The following NFATC1 variants were observed in gnomAD, a reference collection of about 807,000 sequenced individuals.
NFATC1 encodes nuclear factor of activated T-cells, cytoplasmic 1.
Under a neutral mutation model 76.0 loss-of-function variants are expected in NFATC1, and 22 were observed. The observed-to-expected ratio is 0.29, with a 90% confidence interval of 0.21 to 0.41. NFATC1 has a LOEUF of 0.41. Ranked by LOEUF, NFATC1 falls within the 10% of genes least tolerant of loss-of-function variation. The pLI, the probability that NFATC1 is intolerant of heterozygous loss-of-function variation, is 1.00. For synonymous variants in NFATC1, 704 were observed against 613.1 expected, an observed-to-expected ratio of 1.15 and a Z score of -2.19; for missense variants, 1,357 against 1,337.7, an observed-to-expected ratio of 1.01 and a Z score of -0.23.
chr18:79,508,787 C>T (rs544278350), intron 9 of NFATC1, among the ~76,000 whole-genome samples: 1 of 151,962 alleles, frequency 6.6e-6, no homozygotes, highest in Admixed American at 6.6e-5. Flanking sequence ...CTGTCCCTCT[C>T]TCCATCTCTC....
At chr18:79,435,748 T>C (rs1280117418) in intron 3 of NFATC1, among the ~76,000 whole-genome samples, 2 of 152,202 alleles carry the variant, frequency 1.3e-5, no homozygotes, top group Non-Finnish European at 2.9e-5. Context: ...ATTAAAAATA[T>C]CTTTAAAATG....
intron 6 of NFATC1, among the ~76,000 whole-genome samples, chr18:79,460,342 C>T (rs976573190): frequency 6.6e-5 from 10 of 152,232 alleles, no homozygotes; most frequent in Admixed American, 6.5e-4. Flanking sequence ...TGGGAACAGA[C>T]TTTATTTTGG....
chr18:79,518,117 A>G (rs2090428594), intron 9 of NFATC1, among the ~76,000 whole-genome samples: 1 of 152,256 alleles, frequency 6.6e-6, no homozygotes, highest in South Asian at 2.1e-4. Flanking sequence ...CAGCTGGCAC[A>G]GTCACCACCA....
intron 2 of NFATC1, among the ~76,000 whole-genome samples, chr18:79,414,494 C>T (rs1190294146): frequency 6.6e-6 from 1 of 152,190 alleles, no homozygotes; most frequent in Non-Finnish European, 1.5e-5. Flanking sequence ...CAGTGCTATG[C>T]AGAGCCTCTG....
At chr18:79,459,253 C>T (rs542436017) in intron 6 of NFATC1, among the ~76,000 whole-genome samples, 1 of 152,370 alleles carries the variant, frequency 6.6e-6, no homozygotes, top group Non-Finnish European at 1.5e-5. Context: ...AGACGTGGCT[C>T]CCCTTGGGGC....
In NFATC1 at chr18:79,410,924, C is replaced by T; in HGVS notation, c.649C>T (p.Pro217Ser). 4 of 1,605,752 alleles carry T rather than the reference C, an allele frequency of 2.5e-6. No individual in the cohort carries two copies. The highest frequency in any genetic ancestry group is 3.4e-6 in the Non-Finnish European group (4 of 1,177,236). The stretch of plus-strand genomic sequence containing the variant: ...CTGCGTGTCTCCCAAGACCACGGAC[C>T]CCGAGGAGGGCTTTCCCCGCGGGCT... Reference protein sequence around the residue: ...SPCVSPKTTDPEEGFPRGLGA... With the variant: ...SPCVSPKTTDSEEGFPRGLGA... Residue 217 changes from proline (P) to serine (S), a missense_variant, in exon 2 of 10, where the codon CCC becomes TCC. This residue lies in a region of NFATC1 where 691 missense variants were observed against 613.1 expected (regional missense o/e 1.13). Coordinates refer to ENST00000427363, the MANE Select transcript of NFATC1 (RefSeq NM_001278669.2). The surrounding 1 kb of genome is among the most constrained non-coding windows in gnomAD (Gnocchi z 6.7).
intron 7 of NFATC1, among the ~76,000 whole-genome samples, chr18:79,464,130 C>A (rs1315649078): frequency 2.0e-5 from 3 of 152,230 alleles, no homozygotes; most frequent in Non-Finnish European, 4.4e-5. Flanking sequence ...CGCTCTGTCA[C>A]CCAGATTGGA....
At chr18:79,514,430 C>T (rs2090329817) in intron 9 of NFATC1, among the ~76,000 whole-genome samples, 1 of 151,414 alleles carries the variant, frequency 6.6e-6, no homozygotes, top group African/African-American at 2.4e-5. Context: ...CAAAAATTAG[C>T]CAGGTGTGTT....
chr18:79,420,053 C>G (rs1301378783), intron 2 of NFATC1, among the ~76,000 whole-genome samples: 1 of 152,240 alleles, frequency 6.6e-6, no homozygotes, highest in Admixed American at 6.5e-5. Flanking sequence ...AAAGGCCACA[C>G]CGGACGCCGT....
chr18:79,432,413 C>CCCACACGGA (rs2086631659), intron 2 of NFATC1, among the ~76,000 whole-genome samples: 5 of 52,480 alleles, frequency 9.5e-5, no homozygotes, highest in African/African-American at 2.3e-4. Context: ...GGCCACATAG[C>CCCACACGGA]GGTGAGGACA....
In NFATC1 at chr18:79,504,164, A is replaced by G. The variant is rs546026753; in HGVS notation, c.2782+17227A>G. Among the ~76,000 whole-genome samples the G allele has an allele frequency of 2.7e-5, 4 of 150,862 alleles. No homozygotes were observed. In the East Asian group the frequency reaches 5.8e-4, roughly 22 times the overall value. Reference sequence around the variant, plus strand: ...CAGCGGTTTTCACTTCTGTCTGTCTAGAGTTTTCCGCTGCATTCACAGTTG... The same window carrying G: ...CAGCGGTTTTCACTTCTGTCTGTCTGGAGTTTTCCGCTGCATTCACAGTTG... On this transcript the variant is annotated intron_variant, in intron 9 of 9. Transcript: ENST00000427363.
intron 7 of NFATC1, among the ~76,000 whole-genome samples, chr18:79,463,531 C>T (rs952223427): frequency 7.3e-6 from 1 of 137,558 alleles, no homozygotes; most frequent in Non-Finnish European, 1.6e-5. Flanking sequence ...TTCCTGTGCC[C>T]ATAAGGTCTG....
At chr18:79,514,409 T>C (rs2090329406) in intron 9 of NFATC1, among the ~76,000 whole-genome samples, 1 of 151,552 alleles carries the variant, frequency 6.6e-6, no homozygotes, top group East Asian at 2.0e-4. Flanking sequence ...ATCCCACCTC[T>C]ACCAAAAATA....
intron 3 of NFATC1, 58 bp downstream of exon 3, chr18:79,433,796 T>G: frequency 6.4e-7 from 1 of 1,572,034 alleles, no homozygotes; most frequent in Middle Eastern, 1.7e-4. Context: ...AAAAAGTAAC[T>G]TTGGAGCCAC....
At chr18:79,455,668 G>A (rs768682594) in intron 6 of NFATC1, among the ~76,000 whole-genome samples, 21 of 152,078 alleles carry the variant, frequency 1.4e-4, no homozygotes, top group Non-Finnish European at 2.9e-4. Context: ...AGCACATCCA[G>A]AGCCCTCCCC....
At chr18:79,440,648 G>T (rs574707646) in intron 3 of NFATC1, among the ~76,000 whole-genome samples, 1 of 152,238 alleles carries the variant, frequency 6.6e-6, no homozygotes, top group South Asian at 2.1e-4. Context: ...ACCCAGCTGG[G>T]TTCTCCCGGG....
intron 1 of NFATC1, among the ~76,000 whole-genome samples, chr18:79,398,749 G>C (rs987645331): frequency 6.6e-6 from 1 of 152,370 alleles, no homozygotes; most frequent in Non-Finnish European, 1.5e-5. Flanking sequence ...TTTATGGTGG[G>C]GGTAAAAAGG....
Position 79,410,696 on chromosome 18 carries a change from G to A in NFATC1, c.421G>A (p.Val141Met). The A allele has an allele frequency of 6.2e-7, 1 of 1,613,082 alleles. No homozygotes were observed. The change falls in exon 2 of 10, where the codon GTG becomes ATG. Residue 141 changes from valine to methionine, a missense_variant. This residue lies in a region of NFATC1 where 691 missense variants were observed against 613.1 expected (regional missense o/e 1.13). Coordinates refer to ENST00000427363, the MANE Select transcript of NFATC1 (RefSeq NM_001278669.2). This position sits in a 1 kb window ranked among gnomAD's most constrained non-coding sequence, Gnocchi z 6.7. ...TAACCAGTTTTTCCACGATGTGGAG[G>A]TGGAAGACGTCCTCCCTAGCTCCAA... ...NNNQFFHDVEVEDVLPSSKRS... is the reference protein window; with the variant it reads ...NNNQFFHDVEMEDVLPSSKRS...
chr18:79,464,669 T>TGTGTGTGTGGAC (rs1224530916), intron 7 of NFATC1, among the ~76,000 whole-genome samples: 1 of 122,252 alleles, frequency 8.2e-6, no homozygotes, highest in Admixed American at 8.0e-5. Context: ...TGTGTGTGTG[T>TGTGTGTGTGGAC]GTATATGTAT....
Sources: gnomAD v4.1 joint callset for allele counts (sites outside exome capture counted in the v4.1 genomes callset) on GRCh38, gnomAD v4.1.1 for gene constraint, gnomAD v4.1.1 regional missense constraint, Gnocchi (gnomAD v3.1) non-coding constraint, MANE v1.5 for transcripts, NCBI Gene and HGNC (gene_info 2026-07-23, HGNC 2026-07-21) for gene names.